Variants in POP1 observed in about 807,000 individuals in gnomAD.
The protein encoded by POP1 is POP1 ribonuclease P/MRP subunit.
POP1 carries 75 observed loss-of-function variants against 102.2 expected under a neutral mutation model. That is an observed-to-expected ratio of 0.73 (90% confidence interval 0.61 to 0.89). The LOEUF is 0.89. Ranked by LOEUF, POP1 falls within the 40% of genes least tolerant of loss-of-function variation. The pLI, the probability that POP1 is intolerant of heterozygous loss-of-function variation, is 0.00. For missense variants in POP1, 1,116 were observed against 1,267.4 expected (o/e 0.88, Z 1.81); for synonymous variants, 436 against 464.1 (o/e 0.94, Z 0.78).
At chr8:98,143,336 C>T (rs565768783) in intron 11 of POP1, among the ~76,000 whole-genome samples, 21 of 152,264 alleles carry the variant, frequency 1.4e-4, no homozygotes, top group Middle Eastern at 3.4e-3. Flanking sequence ...AGACGTACTC[C>T]ACTTTGTTGT....
At chr8:98,141,321 A>G (rs1586242551) in intron 11 of POP1, among the ~76,000 whole-genome samples, 2 of 152,186 alleles carry the variant, frequency 1.3e-5, no homozygotes, top group Admixed American at 1.3e-4. Flanking sequence ...GCTGAAGTAT[A>G]AGATGTCTTG....
At position 98,148,784 on chromosome 8, in the gene POP1, A is replaced by G. The variant is rs77836290; in HGVS notation, c.1711-31A>G. On this transcript the variant is annotated intron_variant, in intron 12 of 15. Coordinates refer to ENST00000401707, the MANE Select transcript of POP1 (RefSeq NM_001145860.2). ...GAGGATCTCCCAGAAGACTAGGGCT[A>G]TTTGTCTTGAATTATTTTCTTCCAC... 7.5e-3 allele frequency: 11,938 copies of G among 1,585,932 alleles called. 74 individuals carry two copies. Among genetic ancestry groups the G allele is most frequent in the Non-Finnish European group, 8.8e-3 (10,250 of 1,158,430 alleles).
intron 2 of POP1, among the ~76,000 whole-genome samples, chr8:98,126,370 A>G (rs1289045456): frequency 1.3e-5 from 2 of 152,272 alleles, no homozygotes; most frequent in African/African-American, 4.8e-5. Flanking sequence ...ATGACATGAC[A>G]GGTGGAAAAT....
Position 98,123,603 on chromosome 8 carries a change from C to A in POP1, c.142+124C>A, listed in dbSNP as rs112501153. ...ACCATCCTGGCCAACATGGTGAAACCCCGTCTCTACTAAAAATACAAGAAT... is the reference window on the plus strand; with the variant it reads ...ACCATCCTGGCCAACATGGTGAAACACCGTCTCTACTAAAAATACAAGAAT... On this transcript the variant is annotated intron_variant, in intron 2 of 15. Coordinates refer to ENST00000401707, the MANE Select transcript of POP1 (RefSeq NM_001145860.2). The A allele has an allele frequency of 9.1e-6, 7 of 771,880 alleles. 1 individual carries two copies. The African/African-American group carries it at 1.1e-4, about 12-fold the overall frequency. The allele number at this position is 771,880 out of a possible 1,614,324, so 47.8% of individuals were successfully genotyped here. A position where few individuals can be genotyped will look rare whatever the true frequency, so the allele number is the denominator to read the frequency against.
In POP1 at chr8:98,146,683, G is replaced by A. The variant is rs773656757; in HGVS notation, c.1710G>A (p.Gln570=). 2 of 1,590,940 alleles carry A rather than the reference G, an allele frequency of 1.3e-6. No homozygotes were observed. Among genetic ancestry groups the A allele is most frequent in the Non-Finnish European group, 1.7e-6 (2 of 1,159,000 alleles). ...TCACAGAGAATAAAATCTCGGATCAGGTAACTAATAGTGTAAGGGTTATTG... is the reference window on the plus strand; with the variant it reads ...TCACAGAGAATAAAATCTCGGATCAAGTAACTAATAGTGTAAGGGTTATTG... The part of the protein sequence containing the change: ...KSVTENKISD[Q]DLNRMRSELL... Residue 570 remains glutamine, a splice_region_variant and synonymous_variant, in exon 12 of 16, where the codon CAG becomes CAA. Transcript: ENST00000401707.
In POP1 at chr8:98,157,742, TG is replaced by T; in HGVS notation, c.2549del (p.Gly850AlafsTer25). 2.5e-6 allele frequency: 4 copies of T among 1,614,186 alleles called. No homozygotes were observed. The highest frequency in any genetic ancestry group is 3.4e-6 in the Non-Finnish European group (4 of 1,180,042). ...ACCAGAGAGGCTTGCCTGTCCATCTTGGGCCACTTCCCCAGGGCCCTGGTTT... is the reference window on the plus strand; with the variant it reads ...ACCAGAGAGGCTTGCCTGTCCATCTTGGCCACTTCCCCAGGGCCCTGGTTT... ...GLTREACLSI[L>X]GHFPRALVWV... On this transcript the variant is annotated frameshift_variant, in exon 16 of 16. Coordinates refer to ENST00000401707, the MANE Select transcript of POP1 (RefSeq NM_001145860.2). LOFTEE classifies it low-confidence loss of function (END_TRUNC).
At chr8:98,156,596 G>T (rs1168037789) in intron 15 of POP1, among the ~76,000 whole-genome samples, 184 bp downstream of exon 15, 1 of 152,170 alleles carries the variant, frequency 6.6e-6, no homozygotes, top group African/African-American at 2.4e-5. Context: ...AATAATATTT[G>T]ATGTAAGGCA....
intron 2 of POP1, among the ~76,000 whole-genome samples, chr8:98,125,248 C>T (rs1054610224): frequency 1.1e-4 from 15 of 136,568 alleles, no homozygotes; most frequent in Non-Finnish European, 1.4e-4. Context: ...TGCAATGGTG[C>T]GATCTCGGCT....
chr8:98,143,322 C>T (rs973348195), intron 11 of POP1, among the ~76,000 whole-genome samples: 2 of 152,154 alleles, frequency 1.3e-5, no homozygotes, highest in African/African-American at 4.8e-5. Context: ...TCCCCTTAGC[C>T]TTCAGACGTA....
chr8:98,129,941 T>C, intron 4 of POP1, 37 bp from the exon 5 acceptor site: 3 of 1,610,934 alleles, frequency 1.9e-6, no homozygotes, highest in Non-Finnish European at 2.5e-6. Flanking sequence ...TTGAGATTCT[T>C]ACAAACTGGG....
rs1239376517 is a variant in POP1, at chr8:98,130,145, G to A, written c.654G>A (p.Trp218Ter). 1 of 1,614,182 alleles carries A rather than the reference G, an allele frequency of 6.2e-7. No individual in the cohort carries two copies. The highest frequency in any genetic ancestry group is 2.2e-5 in the East Asian group (1 of 44,874). The change falls in exon 5 of 16, where the codon TGG (tryptophan) becomes TGA (stop). Residue 218 changes from tryptophan (W) to a stop codon, truncating the protein, a stop_gained. Coordinates refer to ENST00000401707, the MANE Select transcript of POP1 (RefSeq NM_001145860.2). LOFTEE classifies it high-confidence loss of function. ...HAKRFHMVKKWGYCLGERPTV... is the reference protein window; with the variant it reads ...HAKRFHMVKK ...AGCGGTTTCATATGGTCAAGAAGTG[G>A]GGCTACTGCCTTGGGGAGAGGCCAA... is the stretch of plus-strand genomic sequence containing the variant.
chr8:98,136,401 T>TA (rs1249291723), intron 7 of POP1, 81 bp from the exon 8 acceptor site: 59,748 of 963,748 alleles, frequency 0.062, no homozygotes, highest in Non-Finnish European at 0.067. Flanking sequence ...TAAAGAGATT[T>TA]AAAAAAAAAA....
At position 98,150,504 on chromosome 8, in the gene POP1, T is replaced by G; in HGVS notation, c.1922T>G (p.Val641Gly). 2.5e-6 allele frequency: 4 copies of G among 1,614,014 alleles called. No individual in the cohort carries two copies. Among genetic ancestry groups the G allele is most frequent in the Non-Finnish European group, 3.4e-6 (4 of 1,180,012 alleles). ...WIPFIYRGVR[V>G]GGLKESAVHS... Reference sequence around the variant, plus strand: ...TTTTAGATTTATCGAGGTGTGAGAGTCGGAGGGTTGAAAGAGTCTGCAGTG... The same window carrying G: ...TTTTAGATTTATCGAGGTGTGAGAGGCGGAGGGTTGAAAGAGTCTGCAGTG... Residue 641 changes from valine to glycine, a missense_variant, in exon 14 of 16, where the codon GTC becomes GGC. Coordinates refer to ENST00000401707, the MANE Select transcript of POP1 (RefSeq NM_001145860.2).
intron 14 of POP1, among the ~76,000 whole-genome samples, chr8:98,152,347 T>G (rs1288815656): frequency 6.6e-6 from 1 of 152,208 alleles, no homozygotes; most frequent in Non-Finnish European, 1.5e-5. Context: ...TATGTATGGT[T>G]TTACCATATC....
intron 1 of POP1, among the ~76,000 whole-genome samples, chr8:98,119,868 C>G (rs528624175): frequency 5.0e-4 from 76 of 152,304 alleles, no homozygotes; most frequent in Non-Finnish European, 7.8e-4. Context: ...ACCACCACAC[C>G]AGGCCTCTGG....
chr8:98,137,440 C>T (rs944288236), intron 9 of POP1, among the ~76,000 whole-genome samples: 10 of 152,100 alleles, frequency 6.6e-5, no homozygotes, highest in Non-Finnish European at 1.5e-4. Context: ...GTAGCTGAGA[C>T]TATAGGTGCA....
intron 9 of POP1, among the ~76,000 whole-genome samples, chr8:98,137,428 G>A (rs1192196534): frequency 1.3e-5 from 2 of 151,876 alleles, no homozygotes; most frequent in East Asian, 1.9e-4. Flanking sequence ...TCAGCCCCCC[G>A]AGTAGCTGAG....
chr8:98,154,385 C>T (rs1809594466), intron 14 of POP1, among the ~76,000 whole-genome samples: 1 of 152,108 alleles, frequency 6.6e-6, no homozygotes, highest in Admixed American at 6.5e-5. Flanking sequence ...CTGCTGCGAG[C>T]CGCAGGGAGG....
intron 1 of POP1, among the ~76,000 whole-genome samples, chr8:98,121,775 T>C (rs1480160389): frequency 6.6e-6 from 1 of 151,878 alleles, no homozygotes; most frequent in Admixed American, 6.6e-5. Flanking sequence ...CTCCACCTTC[T>C]GGGTTCACAC....
Sources: gnomAD v4.1 joint callset for allele counts (sites outside exome capture counted in the v4.1 genomes callset) on GRCh38, gnomAD v4.1.1 for gene constraint, MANE v1.5 for transcripts, NCBI Gene and HGNC (gene_info 2026-07-23, HGNC 2026-07-21) for gene names.